SYTL4: variants seen among roughly 807,000 people sequenced by gnomAD.
SYTL4 encodes the protein synaptotagmin like 4.
In SYTL4, 16 loss-of-function variants were observed where a neutral mutation model predicts 52.7. The ratio of observed to expected loss-of-function variants is 0.30; its 90% confidence interval spans 0.21 to 0.46. SYTL4 has a LOEUF of 0.46. Among genes scored for constraint, SYTL4 ranks in the 20% least tolerant of loss-of-function variants. SYTL4 has a pLI of 1.00. For synonymous variants in SYTL4, 160 were observed against 186.6 expected (o/e 0.86, Z 1.16); for missense variants, 423 against 519.9 (o/e 0.81, Z 1.81).
At chrX:100,729,156 C>T (rs2084587351) in intron 2 of SYTL4, among the ~76,000 whole-genome samples, 1 of 110,886 alleles carries the variant, frequency 9.0e-6, no homozygotes, top group African/African-American at 3.3e-5. Context: ...CTGGGGCAAA[C>T]TTACACCTGT....
intron 16 of SYTL4, chrX:100,685,784 G>C (rs981096602): frequency 2.6e-6 from 1 of 384,967 alleles, no homozygotes; most frequent in Admixed American, 4.8e-5. Flanking sequence ...CAAAACCATG[G>C]CTTCACACTT....
At chrX:100,706,250 T>G (rs898804807) in intron 2 of SYTL4, among the ~76,000 whole-genome samples, 6 of 112,277 alleles carry the variant, frequency 5.3e-5, no homozygotes, top group African/African-American at 1.9e-4. Flanking sequence ...CCCTTTGGGT[T>G]CTATTCAAGC....
At chrX:100,727,117 A>T (rs1358421645) in intron 2 of SYTL4, among the ~76,000 whole-genome samples, 1 of 111,666 alleles carries the variant, frequency 9.0e-6, no homozygotes, top group Non-Finnish European at 1.9e-5. Flanking sequence ...GTGTTTTTTA[A>T]ATGTTTTATA....
intron 16 of SYTL4, 189 bp downstream of exon 16, chrX:100,685,801 G>A: frequency 2.4e-6 from 1 of 425,432 alleles, no homozygotes; most frequent in Non-Finnish European, 3.8e-6. Context: ...ACTTTGCCTG[G>A]TTTACACAGA....
intron 2 of SYTL4, among the ~76,000 whole-genome samples, chrX:100,708,162 G>A (rs1365765358): frequency 4.6e-5 from 5 of 109,315 alleles, no homozygotes; most frequent in Admixed American, 9.9e-5. Context: ...ACCATGGCAC[G>A]TGTATACCTA....
At chrX:100,680,142 A>G (rs2083346720) in intron 17 of SYTL4, among the ~76,000 whole-genome samples, 1 of 111,488 alleles carries the variant, frequency 9.0e-6, no homozygotes, top group African/African-American at 3.3e-5. Context: ...TCTAATGCCA[A>G]TTGGCCATGT....
intron 2 of SYTL4, among the ~76,000 whole-genome samples, chrX:100,724,000 G>C (rs1209573312): frequency 1.1e-5 from 1 of 93,512 alleles, no homozygotes; most frequent in Admixed American, 1.1e-4. Context: ...CAGCCGCCCC[G>C]TCCGGGAGGG....
chrX:100,719,191 C>T (rs2084289322), intron 2 of SYTL4, among the ~76,000 whole-genome samples: 1 of 111,658 alleles, frequency 9.0e-6, no homozygotes, highest in Non-Finnish European at 1.9e-5. Context: ...ATGCACTCTT[C>T]TAAGCACTTT....
Position 100,701,980 on chromosome X carries a change from T to C in SYTL4, c.58A>G (p.Ser20Gly). ...ACCTCTTCATCTCGCTGTAGAACACTGAGAATCAAATCCTTTTCCTCCTCA... is the reference window on the plus strand; with the variant it reads ...ACCTCTTCATCTCGCTGTAGAACACCGAGAATCAAATCCTTTTCCTCCTCA... ...LSEEEKDLIL[S>G]VLQRDEEVRK... Residue 20 changes from serine (S) to glycine (G), a missense_variant, in exon 5 of 20, where the codon AGT becomes GGT. Transcript: ENST00000372989. The C allele has an allele frequency of 4.1e-6, 5 of 1,210,911 alleles. No homozygotes were observed. The highest frequency in any genetic ancestry group is 5.6e-6 in the Non-Finnish European group (5 of 895,008).
At chrX:100,697,781 G>A (rs1458531960) in intron 8 of SYTL4, among the ~76,000 whole-genome samples, 5 of 111,511 alleles carry the variant, frequency 4.5e-5, no homozygotes, top group African/African-American at 1.6e-4. Context: ...GGGGAAAAGG[G>A]GTAGGGGAGG....
chrX:100,687,721 G>C (rs1368156903), intron 13 of SYTL4: 1 of 115,492 alleles, frequency 8.7e-6, no homozygotes, highest in Non-Finnish European at 1.8e-5. Context: ...CTGGGAGTGA[G>C]TGGGAGGGAG....
chrX:100,702,555 C>A (rs1336260122), intron 4 of SYTL4, among the ~76,000 whole-genome samples: 1 of 112,371 alleles, frequency 8.9e-6, no homozygotes, highest in Admixed American at 9.4e-5. Context: ...TATTCCTAAC[C>A]AGCTTCCATT....
At chrX:100,724,259 G>A (rs1288807925) in intron 2 of SYTL4, among the ~76,000 whole-genome samples, 1 of 92,441 alleles carries the variant, frequency 1.1e-5, no homozygotes. Context: ...GGGGGTCAGC[G>A]CCCCGCCCGG....
chrX:100,721,365 G>A (rs772838945), intron 2 of SYTL4, among the ~76,000 whole-genome samples: 1 of 111,485 alleles, frequency 9.0e-6, no homozygotes, highest in Admixed American at 9.5e-5. Context: ...ACAGGAATCA[G>A]CACATCAATA....
intron 2 of SYTL4, among the ~76,000 whole-genome samples, chrX:100,707,205 G>A (rs191695883): frequency 5.4e-4 from 61 of 112,162 alleles, no homozygotes; most frequent in African/African-American, 2.0e-3. Context: ...GTACTAGGCT[G>A]TAATGCAAGT....
intron 8 of SYTL4, among the ~76,000 whole-genome samples, chrX:100,698,624 T>C (rs1489546886): frequency 9.0e-6 from 1 of 111,446 alleles, no homozygotes; most frequent in Non-Finnish European, 1.9e-5. Flanking sequence ...GAATATAATA[T>C]CCAGCCAAGA....
intron 2 of SYTL4, among the ~76,000 whole-genome samples, chrX:100,724,147 G>A (rs757466034): frequency 1.1e-5 from 1 of 93,835 alleles, no homozygotes; most frequent in Non-Finnish European, 2.1e-5. Context: ...GGAGGTGGGG[G>A]GGGTCAGCCC....
intron 8 of SYTL4, among the ~76,000 whole-genome samples, chrX:100,694,256 A>G (rs1343303813): frequency 8.9e-6 from 1 of 112,004 alleles, no homozygotes; most frequent in Admixed American, 9.5e-5. Context: ...TACTTGGAGT[A>G]AAAGACAGAA....
At chrX:100,677,226 G>C (rs1484960421) in intron 19 of SYTL4, among the ~76,000 whole-genome samples, 1 of 111,883 alleles carries the variant, frequency 8.9e-6, no homozygotes, top group Non-Finnish European at 1.9e-5. Flanking sequence ...TAATTGCAAA[G>C]GTTCTGAAGT....
Sources: allele counts gnomAD v4.1 joint callset (sites outside exome capture counted in the v4.1 genomes callset), GRCh38; gene constraint gnomAD v4.1.1; transcripts MANE v1.5; gene names NCBI Gene and HGNC (gene_info 2026-07-23, HGNC 2026-07-21).